Variants in PHC2 observed in about 807,000 individuals in gnomAD.
PHC2 encodes the protein polyhomeotic homolog 2, also known as polyhomeotic-like protein 2.
PHC2 carries 29 observed loss-of-function variants against 87.4 expected under a neutral mutation model. The ratio of observed to expected loss-of-function variants is 0.33; its 90% CI spans 0.25 to 0.45. The LOEUF (loss-of-function observed/expected upper bound fraction) is 0.45, where lower values mean the gene tolerates loss of function less well. Among genes scored for constraint, PHC2 ranks in the 20% least tolerant of loss-of-function variants. The pLI is 1.00. For synonymous variants in PHC2, 438 were observed against 461.7 expected (o/e 0.95, Z 0.66); for missense variants, 857 against 1,136.7 (o/e 0.75, Z 3.54).
intron 1 of PHC2, among the ~76,000 whole-genome samples, chr1:33,390,374 G>C (rs1170126922): frequency 1.3e-5 from 2 of 152,258 alleles, no homozygotes; most frequent in South Asian, 2.1e-4. Context: ...CTAGTTACTA[G>C]AGTAAATTCC....
intron 9 of PHC2, chr1:33,346,723 T>G (rs1646851483): frequency 1.0e-6 from 1 of 985,356 alleles, no homozygotes; most frequent in Non-Finnish European, 1.2e-6. Flanking sequence ...GGAACTTTAC[T>G]TGGCAAATGG....
chr1:33,346,691 T>C, intron 9 of PHC2: 8 of 985,398 alleles, frequency 8.1e-6, no homozygotes, highest in Non-Finnish European at 9.6e-6. Flanking sequence ...TGATCCATGC[T>C]GGATGAAAGT....
At position 33,372,447 on chromosome 1, in the gene PHC2, C is replaced by A; in HGVS notation, c.175G>T (p.Val59Leu). The change falls in exon 3 of 15, where the codon GTG becomes TTG. Residue 59 changes from valine to leucine, a missense_variant and splice_region_variant. Physicochemically the swap from Val to Leu is conservative, Grantham distance 32 (BLOSUM62 1). Transcript: ENST00000683057. ...SGIPDRQTVQ[V>L]IQQALHRQPS... ...TGTCTGTGCAGGGCCTGCTGGATCA[C>A]CTGAGAAGGGAGGGAGGGGGAAGAG... 1.3e-6 allele frequency: 2 copies of A among 1,543,604 alleles called. No individual in the cohort carries two copies. Among genetic ancestry groups the A allele is most frequent in the Non-Finnish European group, 1.8e-6 (2 of 1,139,842 alleles).
At chr1:33,405,696 A>C (rs548315281) in intron 1 of PHC2, among the ~76,000 whole-genome samples, 1 of 152,226 alleles carries the variant, frequency 6.6e-6, no homozygotes, top group African/African-American at 2.4e-5. Flanking sequence ...TTATTTACTG[A>C]AAAGTTTATA....
At chr1:33,395,791 T>C (rs910880256) in intron 1 of PHC2, among the ~76,000 whole-genome samples, 6 of 152,292 alleles carry the variant, frequency 3.9e-5, no homozygotes, top group Admixed American at 3.9e-4. Context: ...ATTTCAATTA[T>C]CTTAGTTGAA....
Position 33,334,572 on chromosome 1 carries a change from C to G in PHC2, c.1559-280G>C, listed in dbSNP as rs1051596659. 1.3e-5 allele frequency among the ~76,000 whole-genome samples: 2 copies of G among 152,174 alleles called. No individual in the cohort carries two copies. Among genetic ancestry groups the G allele is most frequent in the Admixed American group, 1.3e-4 (2 of 15,280 alleles). On this transcript the variant is annotated intron_variant, in intron 9 of 14. Coordinates refer to ENST00000683057, the MANE Select transcript of PHC2 (RefSeq NM_001385109.1). The surrounding 1 kb of genome is among the most constrained non-coding windows in gnomAD (Gnocchi z 5.5). ...CCAACCGTGCTATGAACAGTTAACC[C>G]GGATAAACAGACGGGAATTCTATCT...
chr1:33,329,231 C>T, intron 13 of PHC2, 85 bp from the exon 14 acceptor site: 3 of 1,372,974 alleles, frequency 2.2e-6, no homozygotes, highest in Non-Finnish European at 3.0e-6. Context: ...TCTCCTTTTT[C>T]TACTTGGCCT....
intron 14 of PHC2, among the ~76,000 whole-genome samples, chr1:33,326,980 AT>A (rs1646385530): frequency 6.6e-6 from 1 of 152,294 alleles, no homozygotes; most frequent in African/African-American, 2.4e-5. Context: ...CAAAGGTAAT[AT>A]AAAATAAAAA....
intron 7 of PHC2, among the ~76,000 whole-genome samples, chr1:33,358,394 T>A (rs1647133193): frequency 6.6e-6 from 1 of 152,172 alleles, no homozygotes; most frequent in South Asian, 2.1e-4. Context: ...CTCATAAGGC[T>A]TGAATCAATT....
At chr1:33,393,614 G>A (rs1049354234) in intron 1 of PHC2, among the ~76,000 whole-genome samples, 2 of 115,418 alleles carry the variant, frequency 1.7e-5, no homozygotes, top group Non-Finnish European at 3.7e-5. Flanking sequence ...TAGTCTCCAA[G>A]CCTGTCTCCT....
In PHC2 at chr1:33,367,376, C is replaced by A. The variant is rs376148208; in HGVS notation, c.716G>T (p.Gly239Val). Residue 239 changes from glycine (G) to valine (V), a missense_variant, in exon 7 of 15, where the codon GGC becomes GTC. Coordinates refer to ENST00000683057, the MANE Select transcript of PHC2 (RefSeq NM_001385109.1). Reference sequence around the variant, plus strand: ...CAGGACAGGCTGAGTGGGGGTGGGGCCCGAGGCTGCTGCCGCTGGTGTCTG... The same window carrying A: ...CAGGACAGGCTGAGTGGGGGTGGGGACCGAGGCTGCTGCCGCTGGTGTCTG... Reference protein sequence around the residue: ...TQQTPAAAASGPTPTQPVLPS... With the variant: ...TQQTPAAAASVPTPTQPVLPS... The A allele has an allele frequency of 2.5e-6, 4 of 1,604,674 alleles. No individual in the cohort carries two copies. The highest frequency in any genetic ancestry group is 1.3e-5 in the African/African-American group (1 of 74,870).
chr1:33,364,410 A>ACACACACACACG lies in PHC2; in HGVS notation c.976+2705_976+2706insCGTGTGTGTGTG, dbSNP rs1553186436. On this transcript the variant is annotated intron_variant, in intron 7 of 14. Transcript: ENST00000683057. This position sits in a 1 kb window ranked among gnomAD's most constrained non-coding sequence, Gnocchi z 4.1. ...TGCTTTCACACACACACACACACAC[A>ACACACACACACG]CACACACACACACACGCTCAAGCAC... 7.3e-4 allele frequency among the ~76,000 whole-genome samples: 109 copies of ACACACACACACG among 150,036 alleles called. 1 individual carries two copies. The East Asian group carries it at 0.018, about 25-fold the overall frequency.
chr1:33,419,806 T>A (rs2148403132), intron 1 of PHC2, among the ~76,000 whole-genome samples: 1 of 152,254 alleles, frequency 6.6e-6, no homozygotes, highest in Admixed American at 6.5e-5. Flanking sequence ...AGACGGGGTT[T>A]CACCGTGTTA....
intron 3 of PHC2, among the ~76,000 whole-genome samples, chr1:33,372,039 G>A (rs948753318): frequency 2.6e-5 from 4 of 152,248 alleles, no homozygotes; most frequent in Non-Finnish European, 5.9e-5. Context: ...AGGTGGTTAG[G>A]AGAGGGGCTC....
intron 1 of PHC2, among the ~76,000 whole-genome samples, chr1:33,418,049 G>A (rs751789473): frequency 6.6e-5 from 10 of 151,934 alleles, no homozygotes; most frequent in South Asian, 2.1e-4. Context: ...AAAACATTAC[G>A]TATCAAAATC....
intron 1 of PHC2, chr1:33,392,586 C>T (rs1462245906): frequency 2.0e-5 from 3 of 152,132 alleles, no homozygotes; most frequent in Non-Finnish European, 4.4e-5. Flanking sequence ...CTGCTGTCTG[C>T]AGGGCCCTCC....
At chr1:33,341,901 T>G (rs11806469) in intron 9 of PHC2, among the ~76,000 whole-genome samples, 62 of 152,350 alleles carry the variant, frequency 4.1e-4, no homozygotes, top group African/African-American at 1.3e-3. Context: ...GTCTGCAGCC[T>G]TTTCAAATCT....
Position 33,334,289 on chromosome 1 carries a change from GTC to G in PHC2, c.1560_1561del (p.Glu520AspfsTer37). On this transcript the variant is annotated frameshift_variant and splice_region_variant, in exon 10 of 15. Coordinates refer to ENST00000683057, the MANE Select transcript of PHC2 (RefSeq NM_001385109.1). LOFTEE classifies it high-confidence loss of function. The surrounding 1 kb of genome is among the most constrained non-coding windows in gnomAD (Gnocchi z 5.5). ...CAGTGCATGAACAATGCCCTGCCCTGTCTCTGCACGAGAGAGAGTAGGAAAAC... is the reference window on the plus strand; with the variant it reads ...CAGTGCATGAACAATGCCCTGCCCTGTCTGCACGAGAGAGAGTAGGAAAAC... 5 of 1,612,360 alleles carry G rather than the reference GTC, an allele frequency of 3.1e-6. No individual in the cohort carries two copies. The highest frequency in any genetic ancestry group is 4.2e-6 in the Non-Finnish European group (5 of 1,179,150).
At chr1:33,430,825 G>A (rs1410530269) in intron 1 of PHC2, among the ~76,000 whole-genome samples, 151 bp downstream of exon 1, 4 of 150,084 alleles carry the variant, frequency 2.7e-5, no homozygotes, top group Non-Finnish European at 4.5e-5. Context: ...GCAATGCCCC[G>A]CCCCGCGCGG....
Sources: gnomAD v4.1 joint callset for allele counts (sites outside exome capture counted in the v4.1 genomes callset) on GRCh38, gnomAD v4.1.1 for gene constraint, Gnocchi (gnomAD v3.1) non-coding constraint, MANE v1.5 for transcripts, NCBI Gene and HGNC (gene_info 2026-07-23, HGNC 2026-07-21) for gene names.